The following SEC23A variants were observed in gnomAD, a reference collection of about 807,000 sequenced individuals.
SEC23A encodes protein transport protein Sec23A.
SEC23A carries 56 observed loss-of-function variants against 103.7 expected under a neutral mutation model. The observed-to-expected ratio is 0.54, with a 90% CI of 0.44 to 0.67. SEC23A has a LOEUF of 0.67. Ranked by LOEUF, SEC23A falls within the 30% of genes least tolerant of loss-of-function variation. The pLI is 0.00. For missense variants in SEC23A, 784 were observed against 936.4 expected, an observed-to-expected ratio of 0.84 and a Z score of 2.12; for synonymous variants, 281 against 293.0, an observed-to-expected ratio of 0.96 and a Z score of 0.42.
chr14:39,086,873 T>C (rs945249496), intron 6 of SEC23A, 56 bp downstream of exon 6: 8 of 993,826 alleles, frequency 8.0e-6, no homozygotes, highest in Non-Finnish European at 9.8e-6. Flanking sequence ...TTCAAGGGTA[T>C]GGAATGTTTA....
In SEC23A at chr14:39,042,775, T is replaced by A. The variant is rs371541535; in HGVS notation, c.1986+11A>T. ...TTACATGCATAGCTTTAAATGCTAT[T>A]GAAATCTTACCTCACCATGATAAAT... On this transcript the variant is annotated intron_variant, in intron 17 of 19. Transcript: ENST00000307712. 5 of 1,563,548 alleles carry A rather than the reference T, an allele frequency of 3.2e-6. No homozygotes were observed. In the African/African-American group the frequency reaches 4.1e-5, roughly 13 times the overall value.
At chr14:39,096,782 T>C (rs1487873687) in intron 1 of SEC23A, among the ~76,000 whole-genome samples, 1 of 152,166 alleles carries the variant, frequency 6.6e-6, no homozygotes, top group African/African-American at 2.4e-5. Context: ...GTTTTGAAAA[T>C]TATAAGAATT....
intron 2 of SEC23A, 131 bp downstream of exon 2, chr14:39,095,767 T>A (rs1431525432): frequency 1.4e-6 from 1 of 711,908 alleles, no homozygotes; most frequent in Non-Finnish European, 2.4e-6. Context: ...GCTCTCTGGA[T>A]TGTTTTGACT....
chr14:39,038,215 A>C (rs1885522733), intron 19 of SEC23A, among the ~76,000 whole-genome samples: 1 of 152,162 alleles, frequency 6.6e-6, no homozygotes, highest in South Asian at 2.1e-4. Context: ...TGAAATAACC[A>C]TTCTTTAAAT....
In SEC23A at chr14:39,066,020, A is replaced by AAC. The variant is rs1886654530; in HGVS notation, c.1228-1028_1228-1027insGT. 1.5e-4 allele frequency among the ~76,000 whole-genome samples: 18 copies of AAC among 122,494 alleles called. 1 individual carries two copies. The highest frequency in any genetic ancestry group is 5.1e-4 in the African/African-American group (18 of 35,422). 80.4% of individuals were successfully genotyped at this position (122,494 alleles called of 152,430 possible). ...CTCAAAAAAAAAAAAAAAAAAAAAA[A>AAC]AAAAAAAAAAAAACTATAAGTCACA... On this transcript the variant is annotated intron_variant, in intron 10 of 19. Transcript: ENST00000307712.
In SEC23A at chr14:39,097,507, GA is replaced by G. The variant is rs377447564; in HGVS notation, c.-21-1369del. ...AGAAAGAAGAGATATTATTTGGGGG[GA>G]AAAAGTTAGATATAACAATTTTAAT... On this transcript the variant is annotated intron_variant, in intron 1 of 19. Coordinates refer to ENST00000307712, the MANE Select transcript of SEC23A (RefSeq NM_006364.4). Among the ~76,000 whole-genome samples the G allele has an allele frequency of 7.2e-5, 11 of 152,146 alleles. No homozygotes were observed. In the East Asian group the frequency reaches 1.7e-3, roughly 24 times the overall value.
At chr14:39,056,353 G>A (rs888937522) in intron 13 of SEC23A, among the ~76,000 whole-genome samples, 3 of 152,262 alleles carry the variant, frequency 2.0e-5, no homozygotes, top group Admixed American at 2.0e-4. Context: ...GGCTAGTCTT[G>A]AACTCCTGAC....
At chr14:39,099,678 T>C (rs1347610408) in intron 1 of SEC23A, among the ~76,000 whole-genome samples, 1 of 152,186 alleles carries the variant, frequency 6.6e-6, no homozygotes, top group Non-Finnish European at 1.5e-5. Flanking sequence ...AGATGATCCA[T>C]TCAAAGTGTA....
intron 5 of SEC23A, among the ~76,000 whole-genome samples, chr14:39,090,108 A>C (rs1159362254): frequency 6.6e-6 from 1 of 152,128 alleles, no homozygotes; most frequent in Non-Finnish European, 1.5e-5. Context: ...CCACTACCTC[A>C]GTCTGCCAAG....
chr14:39,091,427 T>A, intron 5 of SEC23A, 50 bp downstream of exon 5: 1 of 1,329,874 alleles, frequency 7.5e-7, no homozygotes. Flanking sequence ...TTTATAAACA[T>A]ATATAGAGTA....
chr14:39,093,710 A>T (rs188794721), intron 2 of SEC23A, among the ~76,000 whole-genome samples: 2 of 152,318 alleles, frequency 1.3e-5, no homozygotes, highest in Admixed American at 1.3e-4. Context: ...ACAGTGAGCC[A>T]CAATCACAAC....
intron 1 of SEC23A, among the ~76,000 whole-genome samples, chr14:39,102,505 T>C (rs1420803001): frequency 6.6e-6 from 1 of 152,136 alleles, no homozygotes; most frequent in Non-Finnish European, 1.5e-5. Context: ...CTACCTACCG[T>C]AGAAAGAAAG....
chr14:39,032,126 T>C lies in SEC23A; in HGVS notation c.*1113A>G, dbSNP rs1057142918. 2.1e-4 allele frequency: 32 copies of C among 152,650 alleles called. No individual in the cohort carries two copies. The highest frequency in any genetic ancestry group is 7.2e-4 in the African/African-American group (30 of 41,460). The allele number at this position is 152,650 out of a possible 1,614,324, so 9.5% of individuals were successfully genotyped here. A position where few individuals can be genotyped will look rare whatever the true frequency, so the allele number is the denominator to read the frequency against. On this transcript the variant is annotated 3_prime_UTR_variant, in exon 20 of 20. Coordinates refer to ENST00000307712, the MANE Select transcript of SEC23A (RefSeq NM_006364.4). ...GCATATATCATAGCACCACCTTTTA[T>C]TTGCAGTACTTGATATGTAAATTTC...
At position 39,045,272 on chromosome 14, in the gene SEC23A, G is replaced by C; in HGVS notation, c.1790C>G (p.Pro597Arg). The change falls in exon 16 of 20, where the codon CCT becomes CGT. Residue 597 changes from proline (P) to arginine (R), a missense_variant. Physicochemically the swap from Pro to Arg is moderately radical, Grantham distance 103. Around this residue, in one of 2 missense-constraint regions of SEC23A, gnomAD observed 683 missense variants for 774.2 expected, o/e 0.88. Transcript: ENST00000307712. Reference sequence around the variant, plus strand: ...GTGACGATAATATGAACTCTCATCAGGACTATTGTTAAAAACTTGCAGGAA... The same window carrying C: ...GTGACGATAATATGAACTCTCATCACGACTATTGTTAAAAACTTGCAGGAA... ...SSFLQVFNNS[P>R]DESSYYRHHF... The C allele has an allele frequency of 1.2e-6, 2 of 1,611,840 alleles. No individual in the cohort carries two copies. The highest frequency in any genetic ancestry group is 1.7e-6 in the Non-Finnish European group (2 of 1,178,282).
chr14:39,057,804 A>G (rs1345209096), intron 13 of SEC23A, among the ~76,000 whole-genome samples: 1 of 152,250 alleles, frequency 6.6e-6, no homozygotes, highest in Non-Finnish European at 1.5e-5. Context: ...ACAAAAATAA[A>G]GGTTTTCTCT....
At chr14:39,048,825 C>A (rs952112570) in intron 14 of SEC23A, 96 bp from the exon 15 acceptor site, 58 of 704,922 alleles carry the variant, frequency 8.2e-5, no homozygotes, top group Non-Finnish European at 1.3e-4. Context: ...TACCAATCAT[C>A]AGGAAGCAGA....
In SEC23A at chr14:39,064,964, A is replaced by G. The variant is rs1886607941; in HGVS notation, c.1257T>C (p.Ala419=). The G allele has an allele frequency of 5.0e-6, 8 of 1,613,132 alleles. No individual in the cohort carries two copies. The highest frequency in any genetic ancestry group is 6.8e-6 in the Non-Finnish European group (8 of 1,179,200). ...KTSREIKISG[A]IGPCVSLNSK... ...AATTGAGTGACACACAGGGTCCAAT[A>G]GCTCCTGAAATCTTTATTTCCCTTG... The change falls in exon 11 of 20, where the codon GCT becomes GCC. Residue 419 remains alanine (A), a synonymous_variant. Transcript: ENST00000307712.
intron 2 of SEC23A, among the ~76,000 whole-genome samples, chr14:39,093,631 C>T (rs146344016): frequency 6.6e-6 from 1 of 152,210 alleles, no homozygotes; most frequent in African/African-American, 2.4e-5. Context: ...CGTGGTGGCA[C>T]ATGCCTGCAC....
chr14:39,040,978 T>C (rs1594434665), intron 17 of SEC23A, 91 bp from the exon 18 acceptor site: 2 of 1,441,374 alleles, frequency 1.4e-6, no homozygotes, highest in Non-Finnish European at 9.2e-7. Context: ...CTTTAGAAAC[T>C]AAAAAAATTA....
Sources: allele counts gnomAD v4.1 joint callset (sites outside exome capture counted in the v4.1 genomes callset), GRCh38; gene constraint gnomAD v4.1.1; regional missense constraint gnomAD v4.1.1; transcripts MANE v1.5; gene names NCBI Gene and HGNC (gene_info 2026-07-23, HGNC 2026-07-21).